The following SPOCK3 variants were observed in gnomAD, a reference collection of about 807,000 sequenced individuals.
SPOCK3 encodes testican-3.
A neutral mutation model predicts 56.6 loss-of-function variants in SPOCK3; 30 were observed. The ratio of observed to expected loss-of-function variants is 0.53; its 90% CI spans 0.40 to 0.72. The LOEUF (loss-of-function observed/expected upper bound fraction) is 0.72. Ranked by LOEUF, SPOCK3 falls within the 30% of genes least tolerant of loss-of-function variation. SPOCK3 has a pLI of 0.00. For missense variants in SPOCK3, 527 were observed against 530.0 expected (o/e 0.99, Z 0.06); for synonymous variants, 196 against 183.3 (o/e 1.07, Z -0.56).
At chr4:167,112,085 GT>G (rs1359722442) in intron 2 of SPOCK3, among the ~76,000 whole-genome samples, 1 of 152,026 alleles carries the variant, frequency 6.6e-6, no homozygotes, top group African/African-American at 2.4e-5. Flanking sequence ...AGAAGCTTTA[GT>G]TTGGTGAAAC....
intron 2 of SPOCK3, among the ~76,000 whole-genome samples, chr4:167,211,113 A>G (rs1325835217): frequency 6.6e-6 from 1 of 152,178 alleles, no homozygotes; most frequent in Non-Finnish European, 1.5e-5. Context: ...TGTGAGACAT[A>G]GGGTTAAAGG....
At chr4:166,978,356 C>A (rs949052909) in intron 4 of SPOCK3, among the ~76,000 whole-genome samples, 5 of 152,084 alleles carry the variant, frequency 3.3e-5, no homozygotes. Flanking sequence ...GCAATCAAAG[C>A]AAGGCCTTAT....
chr4:166,836,701 C>G (rs1046537809), intron 6 of SPOCK3, among the ~76,000 whole-genome samples: 1 of 151,834 alleles, frequency 6.6e-6, no homozygotes, highest in Non-Finnish European at 1.5e-5. Flanking sequence ...CCTGAAAAGA[C>G]TCTTTCCATC....
chr4:166,854,746 C>T (rs905289930), intron 6 of SPOCK3, among the ~76,000 whole-genome samples: 1 of 151,998 alleles, frequency 6.6e-6, no homozygotes, highest in Non-Finnish European at 1.5e-5. Context: ...TTCTAATAGC[C>T]AAGAGGTAAT....
chr4:167,160,196 C>T (rs1265422527), intron 2 of SPOCK3, among the ~76,000 whole-genome samples: 1 of 152,108 alleles, frequency 6.6e-6, no homozygotes, highest in East Asian at 1.9e-4. Flanking sequence ...AGCAAAGTCT[C>T]AGGATACAAA....
At chr4:167,154,093 A>G (rs910298168) in intron 2 of SPOCK3, among the ~76,000 whole-genome samples, 1 of 152,158 alleles carries the variant, frequency 6.6e-6, no homozygotes, top group African/African-American at 2.4e-5. Context: ...AAATTTTAAT[A>G]AAAATGGGGT....
chr4:167,180,298 G>A (rs1226348862), intron 2 of SPOCK3, among the ~76,000 whole-genome samples: 2 of 152,074 alleles, frequency 1.3e-5, no homozygotes, highest in Non-Finnish European at 2.9e-5. Flanking sequence ...AGGTAGAATT[G>A]AGGATGATTC....
chr4:167,233,490 T>G (rs189218352), intron 2 of SPOCK3, among the ~76,000 whole-genome samples: 87 of 152,310 alleles, frequency 5.7e-4, no homozygotes, highest in African/African-American at 2.1e-3. Context: ...GAGTCCTTAC[T>G]GGTGCCGCCA....
chr4:166,900,093 G>C (rs1240203477), intron 5 of SPOCK3, among the ~76,000 whole-genome samples: 1 of 152,110 alleles, frequency 6.6e-6, no homozygotes, highest in African/African-American at 2.4e-5. Context: ...AGCACCTTGA[G>C]CTACAAACCT....
intron 2 of SPOCK3, among the ~76,000 whole-genome samples, chr4:167,208,130 A>C (rs1162869873): frequency 6.6e-6 from 1 of 152,088 alleles, no homozygotes; most frequent in Non-Finnish European, 1.5e-5. Flanking sequence ...CCTCTTCTAT[A>C]AGAAATTTTC....
intron 5 of SPOCK3, among the ~76,000 whole-genome samples, chr4:166,912,153 G>A (rs1305967036): frequency 1.3e-5 from 2 of 152,104 alleles, no homozygotes; most frequent in Non-Finnish European, 2.9e-5. Context: ...TAGCTTCAAT[G>A]TCAACTAAAT....
At chr4:166,934,044 G>T (rs150525789) in intron 4 of SPOCK3, among the ~76,000 whole-genome samples, 50 of 151,922 alleles carry the variant, frequency 3.3e-4, no homozygotes, top group African/African-American at 1.1e-3. Context: ...TTACAGGTAG[G>T]GTAAAATCTC....
At chr4:167,032,630 A>G (rs959304228) in intron 3 of SPOCK3, among the ~76,000 whole-genome samples, 3 of 152,004 alleles carry the variant, frequency 2.0e-5, no homozygotes, top group African/African-American at 7.2e-5. Context: ...CAGAACATAC[A>G]TGTGTGTTTA....
At chr4:166,897,387 C>T (rs886921432) in intron 5 of SPOCK3, among the ~76,000 whole-genome samples, 7 of 152,000 alleles carry the variant, frequency 4.6e-5, no homozygotes, top group Admixed American at 3.9e-4. Context: ...GTGTCTCCTT[C>T]TAGAAGAGAG....
At chr4:166,746,998 TA>T (rs1325191057) in intron 8 of SPOCK3, among the ~76,000 whole-genome samples, 1 of 152,126 alleles carries the variant, frequency 6.6e-6, no homozygotes, top group Non-Finnish European at 1.5e-5. Context: ...ATTAAGAGCC[TA>T]CCAACCAAAA....
intron 2 of SPOCK3, among the ~76,000 whole-genome samples, chr4:167,095,993 G>T (rs1423032831): frequency 6.0e-5 from 9 of 150,958 alleles, no homozygotes; most frequent in Non-Finnish European, 1.3e-4. Context: ...TGATTCTAAA[G>T]AAAAAAAACC....
At chr4:166,986,760 C>T (rs538339137) in intron 4 of SPOCK3, among the ~76,000 whole-genome samples, 24 of 152,120 alleles carry the variant, frequency 1.6e-4, no homozygotes, top group East Asian at 5.8e-4. Flanking sequence ...GATTTTACAT[C>T]GCCATTTCAA....
chr4:167,050,310 A>G (rs1405776878), intron 3 of SPOCK3, among the ~76,000 whole-genome samples: 1 of 152,188 alleles, frequency 6.6e-6, no homozygotes, highest in Non-Finnish European at 1.5e-5. Context: ...GTACCCTATG[A>G]TTCTCTACTA....
intron 3 of SPOCK3, among the ~76,000 whole-genome samples, chr4:167,022,911 G>A (rs1179642700): frequency 3.3e-5 from 5 of 151,900 alleles, no homozygotes; most frequent in South Asian, 2.1e-4. Context: ...AGATTTTTTT[G>A]TTCCACATAA....
Sources: gnomAD v4.1 joint callset for allele counts (sites outside exome capture counted in the v4.1 genomes callset) on GRCh38, gnomAD v4.1.1 for gene constraint, MANE v1.5 for transcripts, NCBI Gene and HGNC (gene_info 2026-07-23, HGNC 2026-07-21) for gene names.